CSGALNACT1: variants seen among roughly 807,000 people sequenced by gnomAD.
The protein encoded by CSGALNACT1 is beta4GalNAcT-1.
In CSGALNACT1, 52 loss-of-function variants were observed where a neutral mutation model predicts 51.0. The observed-to-expected ratio is 1.02, with a 90% CI of 0.82 to 1.29. CSGALNACT1 has a LOEUF of 1.29. Ranked by LOEUF, CSGALNACT1 falls within the 50% of genes most tolerant of loss-of-function variation. The probability of loss-of-function intolerance (pLI) is 0.00; values close to 1 mark genes in which losing one functional copy is unlikely to be tolerated. For missense variants in CSGALNACT1, 935 were observed against 679.2 expected (o/e 1.38, Z -4.19); for synonymous variants, 341 against 254.4 (o/e 1.34, Z -3.24).
At chr8:19,748,324 T>C (rs545754417) in intron 1 of CSGALNACT1, among the ~76,000 whole-genome samples, 2 of 152,310 alleles carry the variant, frequency 1.3e-5, no homozygotes, top group South Asian at 2.1e-4. Context: ...CTGGGATTAG[T>C]TTCCAAACCC....
chr8:19,679,206 A>G (rs1337223315), intron 1 of CSGALNACT1, among the ~76,000 whole-genome samples: 1 of 152,198 alleles, frequency 6.6e-6, no homozygotes, highest in Non-Finnish European at 1.5e-5. Context: ...TTATCCCAGC[A>G]CTTTGGGAGG....
At chr8:19,700,024 A>C (rs2061775791) in intron 1 of CSGALNACT1, among the ~76,000 whole-genome samples, 1 of 151,804 alleles carries the variant, frequency 6.6e-6, no homozygotes, top group African/African-American at 2.4e-5. Context: ...AGGCAGGAGA[A>C]TCACTTGAAC....
chr8:19,670,090 T>C (rs968806859), intron 1 of CSGALNACT1, among the ~76,000 whole-genome samples: 9 of 152,218 alleles, frequency 5.9e-5, no homozygotes, highest in African/African-American at 1.9e-4. Context: ...CCCTACTCCC[T>C]GCACATTTGC....
At position 19,590,772 on chromosome 8, in the gene CSGALNACT1, C is replaced by T. The variant is rs546810950; in HGVS notation, c.-297+388G>A. ...TCAAGCAATTCTCCTGCTTCAGCCT[C>T]TCATGTAGCTGGGATTACAGGTGTC... On this transcript the variant is annotated intron_variant, in intron 3 of 9. Coordinates refer to ENST00000454498, the Ensembl canonical transcript of CSGALNACT1. Among the ~76,000 whole-genome samples, 11 of 150,194 alleles carry T rather than the reference C, an allele frequency of 7.3e-5. No individual in the cohort carries two copies. In the East Asian group the frequency reaches 2.2e-3, roughly 30 times the overall value.
chr8:19,685,986 G>A (rs952151721), upstream of CSGALNACT1, among the ~76,000 whole-genome samples: 6 of 152,182 alleles, frequency 3.9e-5, no homozygotes, highest in South Asian at 2.1e-4. Flanking sequence ...AAACAATCGC[G>A]TAAGTACACA....
intron 1 of CSGALNACT1, among the ~76,000 whole-genome samples, chr8:19,699,430 T>A (rs1485772746): frequency 6.6e-6 from 1 of 152,192 alleles, no homozygotes; most frequent in Non-Finnish European, 1.5e-5. Context: ...AATGCTCTGA[T>A]CATGAAGTGG....
intron 5 of CSGALNACT1, among the ~76,000 whole-genome samples, chr8:19,450,210 CGGGAGGAAGAGGGAGGGGGAGGGGGCA>C (rs1242304401): frequency 2.0e-5 from 1 of 50,844 alleles, no homozygotes; most frequent in Non-Finnish European, 3.4e-5. Context: ...GGAGAAAGAG[CGGGAGGAAGAGGGAGGGGGAGGGGGCA>C]GGGAGGAAGA....
In CSGALNACT1 at chr8:19,516,611, T is replaced by TC. The variant is rs1311778264; in HGVS notation, c.-296-10482dup. Among the ~76,000 whole-genome samples, 11 of 152,276 alleles carry TC rather than the reference T, an allele frequency of 7.2e-5. No homozygotes were observed. In the East Asian group the frequency reaches 1.9e-3, roughly 27 times the overall value. On this transcript the variant is annotated intron_variant, in intron 3 of 9. Coordinates refer to ENST00000454498, the Ensembl canonical transcript of CSGALNACT1. ...ACACTATCCTGACAAATAATCCCCA[T>TC]CCCGGTGTGAGCCTTGCTCTGTCCC...
chr8:19,509,897 T>C (rs1182743904), intron 3 of CSGALNACT1, among the ~76,000 whole-genome samples: 2 of 152,138 alleles, frequency 1.3e-5, no homozygotes, highest in African/African-American at 2.4e-5. Flanking sequence ...AGCATTGAGC[T>C]ACTATTTTAA....
intron 2 of CSGALNACT1, among the ~76,000 whole-genome samples, chr8:19,594,725 T>A (rs7842409): frequency 6.6e-5 from 10 of 151,802 alleles, no homozygotes; most frequent in Middle Eastern, 3.4e-3. Context: ...TTTTTTTTTT[T>A]ATTTTTACTA....
In CSGALNACT1 at chr8:19,664,113, T is replaced by C. The variant is rs555506359; in HGVS notation, c.-544+18360A>G. 7.2e-5 allele frequency among the ~76,000 whole-genome samples: 11 copies of C among 152,320 alleles called. No individual in the cohort carries two copies. The East Asian group carries it at 2.1e-3, about 29-fold the overall frequency. ...TCGGCCCAGGCTCCTGGAAAGAGTT[T>C]ATTTGCCATTACTTCTTGATATTGA... On this transcript the variant is annotated intron_variant, in intron 1 of 9. Coordinates refer to the CSGALNACT1 transcript ENST00000332246.
intron 1 of CSGALNACT1, among the ~76,000 whole-genome samples, chr8:19,700,182 C>A (rs1473017757): frequency 2.0e-5 from 3 of 150,018 alleles, no homozygotes; most frequent in Non-Finnish European, 4.4e-5. Flanking sequence ...AAATAAGGCA[C>A]AATGATGTTA....
At chr8:19,537,501 T>G (rs1441494203) in intron 3 of CSGALNACT1, among the ~76,000 whole-genome samples, 1 of 152,232 alleles carries the variant, frequency 6.6e-6, no homozygotes, top group Non-Finnish European at 1.5e-5. Context: ...TATGTACATT[T>G]GACCACCCCA....
chr8:19,749,668 A>G (rs1004167528), intron 1 of CSGALNACT1, among the ~76,000 whole-genome samples: 2 of 152,168 alleles, frequency 1.3e-5, no homozygotes, highest in Non-Finnish European at 2.9e-5. Context: ...GCAGGGCCCT[A>G]TACAGGCCTC....
intron 1 of CSGALNACT1, among the ~76,000 whole-genome samples, chr8:19,666,799 GAAAGAAAGAA>G (rs1410201575): frequency 0.049 from 1,066 of 21,942 alleles, 27 homozygotes; most frequent in South Asian, 0.076. Flanking sequence ...AAGAAAGAAA[GAAAGAAAGAA>G]AGAGAGAGAG....
intron 1 of CSGALNACT1, among the ~76,000 whole-genome samples, chr8:19,637,185 G>C (rs1450382723): frequency 2.6e-5 from 4 of 152,106 alleles, no homozygotes; most frequent in Admixed American, 2.6e-4. Context: ...CAGCCTGGGC[G>C]ATAGAGACTC....
intron 3 of CSGALNACT1, among the ~76,000 whole-genome samples, chr8:19,528,864 C>CA (rs1189632906): frequency 6.6e-6 from 1 of 152,182 alleles, no homozygotes; most frequent in African/African-American, 2.4e-5. Flanking sequence ...CTAGATACCC[C>CA]AAACGCTAAG....
At chr8:19,553,342 G>A (rs2088702189) in intron 3 of CSGALNACT1, among the ~76,000 whole-genome samples, 1 of 151,836 alleles carries the variant, frequency 6.6e-6, no homozygotes, top group Admixed American at 6.6e-5. Context: ...GCAAGACAGA[G>A]GGGCAAAAAT....
At chr8:19,427,840 C>A (rs1032797926) in intron 6 of CSGALNACT1, among the ~76,000 whole-genome samples, 1 of 152,060 alleles carries the variant, frequency 6.6e-6, no homozygotes, top group African/African-American at 2.4e-5. Context: ...CCATGCCAAG[C>A]CCTCATGCAC....
Sources: allele counts gnomAD v4.1 joint callset (sites outside exome capture counted in the v4.1 genomes callset), GRCh38; gene constraint gnomAD v4.1.1; transcripts MANE v1.5; gene names NCBI Gene and HGNC (gene_info 2026-07-23, HGNC 2026-07-21).